The following ANKRD27 variants were observed in gnomAD, a reference collection of about 807,000 sequenced individuals.
ANKRD27 encodes the protein ankyrin repeat domain-containing protein 27.
A neutral mutation model predicts 129.7 loss-of-function variants in ANKRD27; 112 were observed. The ratio of observed to expected loss-of-function variants is 0.86; its 90% CI spans 0.74 to 1.01. The LOEUF is 1.01. ANKRD27 is among the 50% of genes least tolerant of loss of function. The pLI is 0.00. For missense variants in ANKRD27, 1,258 were observed against 1,300.5 expected, an observed-to-expected ratio of 0.97 and a Z score of 0.50; for synonymous variants, 516 against 511.2, an observed-to-expected ratio of 1.01 and a Z score of -0.13.
intron 26 of ANKRD27, among the ~76,000 whole-genome samples, chr19:32,600,541 A>T (rs1299572164): frequency 6.6e-6 from 1 of 152,006 alleles, no homozygotes; most frequent in African/African-American, 2.4e-5. Flanking sequence ...ACTCCATCTC[A>T]AAAAAAAGCT....
intron 15 of ANKRD27, among the ~76,000 whole-genome samples, chr19:32,627,869 G>T (rs545781438): frequency 2.6e-4 from 39 of 152,346 alleles, no homozygotes; most frequent in African/African-American, 7.7e-4. Context: ...ACCCACGCAG[G>T]GGGGCTCAGC....
Position 32,604,421 on chromosome 19 carries a change from CG to C in ANKRD27, c.2496del (p.His832GlnfsTer20). 6.3e-7 allele frequency: 1 copy of C among 1,598,256 alleles called. No individual in the cohort carries two copies. Among genetic ancestry groups the C allele is most frequent in the Non-Finnish European group, 8.6e-7 (1 of 1,167,810 alleles). On this transcript the variant is annotated frameshift_variant and splice_region_variant, in exon 25 of 29. Coordinates refer to ENST00000306065, the MANE Select transcript of ANKRD27 (RefSeq NM_032139.3). LOFTEE classifies it high-confidence loss of function. ...HHELVALLLQ[H>X]GASINASNNK... ...TTGTTAGAAGCGTTAATGGAGGCCC[CG>C]TGCTGGAAAGAGAAACCACACGATC...
intron 12 of ANKRD27, among the ~76,000 whole-genome samples, chr19:32,633,022 A>G (rs9304837): frequency 0.14 from 21,877 of 152,206 alleles, 2,747 homozygotes; most frequent in African/African-American, 0.34. Flanking sequence ...CTAACAATCC[A>G]CTTTACACCG....
At chr19:32,653,241 G>T (rs977647646) in intron 2 of ANKRD27, among the ~76,000 whole-genome samples, 4 of 152,112 alleles carry the variant, frequency 2.6e-5, no homozygotes, top group Admixed American at 1.3e-4. Context: ...GGGTCTCAGC[G>T]CCCTTAGCTC....
intron 24 of ANKRD27, among the ~76,000 whole-genome samples, chr19:32,605,003 C>T (rs1215948243): frequency 6.6e-6 from 1 of 152,090 alleles, no homozygotes; most frequent in Non-Finnish European, 1.5e-5. Context: ...ACCCCGGAGG[C>T]AGAGGTTGCA....
intron 26 of ANKRD27, among the ~76,000 whole-genome samples, chr19:32,601,170 G>A (rs769969900): frequency 3.9e-5 from 6 of 151,920 alleles, no homozygotes; most frequent in Non-Finnish European, 5.9e-5. Flanking sequence ...ATGGTGGCAC[G>A]TGCCTGTAAT....
At chr19:32,604,518 T>A in intron 24 of ANKRD27, 94 bp from the exon 25 acceptor site, 5 of 1,259,896 alleles carry the variant, frequency 4.0e-6, no homozygotes, top group Non-Finnish European at 5.2e-6. Flanking sequence ...TAAAACACAT[T>A]GTTTTTTTTA....
intron 12 of ANKRD27, 71 bp downstream of exon 12, chr19:32,639,285 C>A: frequency 6.3e-7 from 1 of 1,587,410 alleles, no homozygotes. Flanking sequence ...TGCCCACATA[C>A]CAACCCCAGC....
At chr19:32,650,611 G>T (rs550923748) in intron 2 of ANKRD27, among the ~76,000 whole-genome samples, 5 of 151,308 alleles carry the variant, frequency 3.3e-5, no homozygotes, top group Non-Finnish European at 7.4e-5. Context: ...GGAGGCAGAG[G>T]TTGCAGTGAG....
Position 32,602,040 on chromosome 19 carries a change from A to G in ANKRD27, c.2742T>C (p.Tyr914=), listed in dbSNP as rs367554452. 25 of 1,613,742 alleles carry G rather than the reference A, an allele frequency of 1.5e-5. No individual in the cohort carries two copies. The African/African-American group carries it at 2.4e-4, about 15-fold the overall frequency. Residue 914 remains tyrosine, a synonymous_variant, in exon 26 of 29, where the codon TAT becomes TAC. Transcript: ENST00000306065. ...ATTTTTTCCTGATCTTAACAGTGAC[A>G]TACTCCTTGCGGTCAGTTTCAGCCA... ...DDVAETDRKE[Y]VTVKIRKKWN...
chr19:32,664,981 C>G (rs1967723309), intron 1 of ANKRD27, among the ~76,000 whole-genome samples: 2 of 148,042 alleles, frequency 1.4e-5, no homozygotes, highest in Admixed American at 1.4e-4. Context: ...ATTCTTAAGT[C>G]TTTAAAATCT....
At chr19:32,618,140 C>A (rs972576694) in intron 20 of ANKRD27, among the ~76,000 whole-genome samples, 20 of 108,158 alleles carry the variant, frequency 1.8e-4, no homozygotes, top group African/African-American at 7.0e-4. Context: ...GAACCCACTG[C>A]CATTTAGGGA....
chr19:32,601,337 C>T (rs901130243), intron 26 of ANKRD27, among the ~76,000 whole-genome samples: 2 of 151,048 alleles, frequency 1.3e-5, no homozygotes, highest in African/African-American at 4.9e-5. Context: ...TGGCTCACAC[C>T]TGTAATCTCA....
intron 1 of ANKRD27, 94 bp from the exon 2 acceptor site, chr19:32,659,139 C>A (rs11486502): frequency 6.4e-6 from 1 of 157,306 alleles, no homozygotes. Context: ...TTTTCTTTTT[C>A]TTTTTTTTTT....
At chr19:32,613,725 T>C (rs1663892784) in intron 22 of ANKRD27, among the ~76,000 whole-genome samples, 1 of 151,070 alleles carries the variant, frequency 6.6e-6, no homozygotes, top group Non-Finnish European at 1.5e-5. Context: ...TTTTTTTTTT[T>C]TGAGACGGAG....
intron 18 of ANKRD27, among the ~76,000 whole-genome samples, chr19:32,621,353 G>A (rs1286454099): frequency 6.6e-6 from 1 of 152,166 alleles, no homozygotes. Context: ...GGGGCTGGGC[G>A]CAATAACTCA....
chr19:32,668,719 A>C (rs1268767039), intron 1 of ANKRD27, among the ~76,000 whole-genome samples: 1 of 151,366 alleles, frequency 6.6e-6, no homozygotes, highest in Non-Finnish European at 1.5e-5. Flanking sequence ...CAGGGTGCTG[A>C]GATTACAGGC....
chr19:32,674,528 T>C (rs1967940618), intron 1 of ANKRD27, among the ~76,000 whole-genome samples: 1 of 151,582 alleles, frequency 6.6e-6, no homozygotes, highest in African/African-American at 2.4e-5. Context: ...TCTCGGTGCT[T>C]AAGAGTTTTC....
intron 15 of ANKRD27, among the ~76,000 whole-genome samples, chr19:32,627,503 A>G (rs1188440439): frequency 1.3e-5 from 2 of 151,586 alleles, no homozygotes; most frequent in African/African-American, 4.8e-5. Context: ...GGTTCAAGCA[A>G]TTCTTCTGAC....
Sources: allele counts gnomAD v4.1 joint callset (sites outside exome capture counted in the v4.1 genomes callset), GRCh38; gene constraint gnomAD v4.1.1; transcripts MANE v1.5; gene names NCBI Gene and HGNC (gene_info 2026-07-23, HGNC 2026-07-21).